The following LMX1A variants were observed in gnomAD, a reference collection of about 807,000 sequenced individuals.
The protein encoded by LMX1A is LIM homeobox transcription factor 1 alpha.
Under a neutral mutation model 49.1 loss-of-function variants are expected in LMX1A, and 15 were observed. The ratio of observed to expected loss-of-function variants is 0.31; its 90% CI spans 0.20 to 0.47. The LOEUF is 0.47. Among genes scored for constraint, LMX1A ranks in the 20% least tolerant of loss-of-function variants. LMX1A has a pLI of 1.00. For synonymous variants in LMX1A, 167 were observed against 185.7 expected (o/e 0.90, Z 0.82); for missense variants, 372 against 475.8 (o/e 0.78, Z 2.03).
intron 3 of LMX1A, among the ~76,000 whole-genome samples, chr1:165,337,352 T>C (rs917535149): frequency 6.6e-6 from 1 of 152,144 alleles, no homozygotes; most frequent in Non-Finnish European, 1.5e-5. Flanking sequence ...GAAAAGCAAC[T>C]ATGCATGAAA....
At chr1:165,207,620 A>G (rs1050580736) in intron 7 of LMX1A, 5 of 157,286 alleles carry the variant, frequency 3.2e-5, no homozygotes, top group African/African-American at 1.2e-4. Flanking sequence ...CCAATCTATA[A>G]GAGTGTTCAA....
At chr1:165,274,000 T>C (rs2101698511) in intron 3 of LMX1A, among the ~76,000 whole-genome samples, 1 of 152,340 alleles carries the variant, frequency 6.6e-6, no homozygotes, top group South Asian at 2.1e-4. Flanking sequence ...CATTCATTCC[T>C]CACAGCCACC....
intron 3 of LMX1A, among the ~76,000 whole-genome samples, chr1:165,267,428 C>A (rs765191006): frequency 1.3e-5 from 2 of 152,132 alleles, no homozygotes; most frequent in Non-Finnish European, 2.9e-5. Context: ...TCCAATCATC[C>A]ATTCATGCAC....
chr1:165,247,048 C>CTTTTTTTTT (rs1204141626), intron 4 of LMX1A, among the ~76,000 whole-genome samples: 2 of 21,422 alleles, frequency 9.3e-5, no homozygotes, highest in Admixed American at 6.1e-4. Context: ...ATCAGATCAG[C>CTTTTTTTTT]TTTTTCTTTT....
At chr1:165,331,863 G>A (rs1396116993) in intron 3 of LMX1A, among the ~76,000 whole-genome samples, 1 of 152,154 alleles carries the variant, frequency 6.6e-6, no homozygotes, top group Non-Finnish European at 1.5e-5. Context: ...GTTGCAGTGA[G>A]ACAAAATTGT....
At chr1:165,335,024 C>T (rs1166270731) in intron 3 of LMX1A, among the ~76,000 whole-genome samples, 3 of 152,192 alleles carry the variant, frequency 2.0e-5, no homozygotes, top group Non-Finnish European at 4.4e-5. Context: ...TGAAACACCA[C>T]CCCTTTGTTA....
At chr1:165,298,377 G>A (rs1030370654) in intron 3 of LMX1A, among the ~76,000 whole-genome samples, 8 of 152,182 alleles carry the variant, frequency 5.3e-5, no homozygotes, top group Admixed American at 5.2e-4. Context: ...TGGGGCTGAG[G>A]CAGCCATCAG....
At chr1:165,204,108 C>G in intron 8 of LMX1A, 68 bp from the exon 9 acceptor site, 1 of 1,524,776 alleles carries the variant, frequency 6.6e-7, no homozygotes, top group Non-Finnish European at 9.0e-7. Context: ...CTAGGATATT[C>G]AGCTGAATTC....
At chr1:165,320,307 G>A (rs540509912) in intron 3 of LMX1A, among the ~76,000 whole-genome samples, 4 of 152,290 alleles carry the variant, frequency 2.6e-5, no homozygotes, top group East Asian at 1.9e-4. Context: ...CATAGAGAGC[G>A]TGCCACAAAG....
chr1:165,212,131 A>C (rs1284836301), intron 5 of LMX1A, among the ~76,000 whole-genome samples: 5 of 152,218 alleles, frequency 3.3e-5, no homozygotes, highest in African/African-American at 4.8e-5. Context: ...CTGCAGCTGA[A>C]TCTTTCCAAA....
intron 3 of LMX1A, among the ~76,000 whole-genome samples, chr1:165,332,805 C>A (rs923666800): frequency 5.3e-5 from 8 of 152,326 alleles, no homozygotes; most frequent in African/African-American, 1.9e-4. Context: ...ATCTTCTCAG[C>A]AACAGAACTG....
At chr1:165,251,775 G>T (rs1488288814) in intron 3 of LMX1A, among the ~76,000 whole-genome samples, 1 of 151,962 alleles carries the variant, frequency 6.6e-6, no homozygotes, top group East Asian at 1.9e-4. Context: ...CTTGAATCCT[G>T]CCCTGATCTG....
intron 3 of LMX1A, among the ~76,000 whole-genome samples, chr1:165,341,231 C>G (rs1656066091): frequency 6.6e-6 from 1 of 152,178 alleles, no homozygotes; most frequent in Non-Finnish European, 1.5e-5. Flanking sequence ...CCTAAATGCT[C>G]TTGATGTTGT....
At chr1:165,228,075 A>T (rs907844022) in intron 4 of LMX1A, among the ~76,000 whole-genome samples, 1 of 152,232 alleles carries the variant, frequency 6.6e-6, no homozygotes, top group Non-Finnish European at 1.5e-5. Flanking sequence ...TTTGGAGAAG[A>T]TATATCAAAA....
At chr1:165,233,583 A>T (rs150708335) in intron 4 of LMX1A, among the ~76,000 whole-genome samples, 1 of 152,238 alleles carries the variant, frequency 6.6e-6, no homozygotes, top group Non-Finnish European at 1.5e-5. Flanking sequence ...CTACAGTCAC[A>T]TGGTCCAAAA....
At chr1:165,274,471 T>A (rs1304442544) in intron 3 of LMX1A, among the ~76,000 whole-genome samples, 1 of 152,196 alleles carries the variant, frequency 6.6e-6, no homozygotes, top group East Asian at 1.9e-4. Context: ...TGAATTGAAC[T>A]AATTTGGGGT....
intron 3 of LMX1A, among the ~76,000 whole-genome samples, chr1:165,340,734 T>C (rs1165281284): frequency 1.3e-5 from 2 of 152,210 alleles, no homozygotes; most frequent in Non-Finnish European, 2.9e-5. Context: ...GTATAGCATG[T>C]TCACAGTTAT....
chr1:165,250,663 T>A (rs1653024577), intron 3 of LMX1A, among the ~76,000 whole-genome samples: 1 of 152,178 alleles, frequency 6.6e-6, no homozygotes, highest in Non-Finnish European at 1.5e-5. Flanking sequence ...GCTAGTGATA[T>A]GAAGATGAAT....
chr1:165,290,790 C>A (rs1466718401), intron 3 of LMX1A, among the ~76,000 whole-genome samples: 1 of 151,774 alleles, frequency 6.6e-6, no homozygotes, highest in Non-Finnish European at 1.5e-5. Flanking sequence ...ACCAACATCA[C>A]CGGAGAATTT....
Sources: gnomAD v4.1 joint callset for allele counts (sites outside exome capture counted in the v4.1 genomes callset) on GRCh38, gnomAD v4.1.1 for gene constraint, MANE v1.5 for transcripts, NCBI Gene and HGNC (gene_info 2026-07-23, HGNC 2026-07-21) for gene names.